The following WDR93 variants were observed in gnomAD, a reference collection of about 807,000 sequenced individuals.
WDR93 encodes WD repeat domain 93.
WDR93 carries 73 observed loss-of-function variants against 82.9 expected under a neutral mutation model. That is an observed-to-expected ratio of 0.88 (90% confidence interval 0.73 to 1.07). The LOEUF is 1.07. WDR93 is among the 50% of genes least tolerant of loss of function. The probability of loss-of-function intolerance (pLI) is 0.00; values close to 1 mark genes in which losing one functional copy is unlikely to be tolerated. For synonymous variants in WDR93, 283 were observed against 300.1 expected (o/e 0.94, Z 0.59); for missense variants, 738 against 826.0 (o/e 0.89, Z 1.31).
intron 1 of WDR93, among the ~76,000 whole-genome samples, chr15:89,691,995 G>A (rs767611534): frequency 3.9e-5 from 6 of 152,202 alleles, no homozygotes; most frequent in Admixed American, 6.5e-5. Flanking sequence ...AACACAGCTG[G>A]AATATGGCAG....
chr15:89,703,301 T>G, intron 3 of WDR93, 159 bp downstream of exon 3: 1 of 739,492 alleles, frequency 1.4e-6, no homozygotes, highest in Non-Finnish European at 2.2e-6. Context: ...GTGGGTCAGA[T>G]ACTGTTCTAC....
rs768926346 is a variant in WDR93, at chr15:89,743,372, G to A, written c.2042G>A (p.Arg681Lys). 2 of 1,614,080 alleles carry A rather than the reference G, an allele frequency of 1.2e-6. No individual in the cohort carries two copies. Among genetic ancestry groups the A allele is most frequent in the African/African-American group, 2.7e-5 (2 of 74,946 alleles). ...RLQRYSLSLQ[R>K]ENFKK The stretch of plus-strand genomic sequence containing the variant: ...CAGAGGTACTCCTTGTCGCTCCAGA[G>A]AGAGAACTTCAAGAAGTGAGGCTGC... The change falls in exon 17 of 17, where the codon AGA (arginine) becomes AAA (lysine). Residue 681 changes from arginine (R) to lysine (K), a missense_variant. By Grantham distance (26) the Arg-to-Lys change is conservative. Coordinates refer to ENST00000268130, the MANE Select transcript of WDR93 (RefSeq NM_020212.2).
At chr15:89,720,632 C>CT (rs1446297750) in intron 7 of WDR93, among the ~76,000 whole-genome samples, 1 of 152,104 alleles carries the variant, frequency 6.6e-6, no homozygotes, top group Non-Finnish European at 1.5e-5. Flanking sequence ...TTACAGCTGG[C>CT]TTTTTTTATG....
At chr15:89,701,064 G>A (rs1366727761) in intron 1 of WDR93, among the ~76,000 whole-genome samples, 1 of 152,014 alleles carries the variant, frequency 6.6e-6, no homozygotes, top group African/African-American at 2.4e-5. Flanking sequence ...ATCCACAGGA[G>A]CAATAAGTAT....
At chr15:89,717,087 G>A (rs1289319978) in intron 7 of WDR93, 138 bp downstream of exon 7, 1 of 420,656 alleles carries the variant, frequency 2.4e-6, no homozygotes, top group East Asian at 4.2e-5. Flanking sequence ...TTTCATTCTT[G>A]TTGCTCTTGT....
chr15:89,720,504 C>T (rs992124611), intron 7 of WDR93, among the ~76,000 whole-genome samples: 1 of 152,128 alleles, frequency 6.6e-6, no homozygotes, highest in Non-Finnish European at 1.5e-5. Context: ...AACTCCTGAC[C>T]TCGTGATTCG....
chr15:89,740,264 C>T (rs1967552073), intron 16 of WDR93, among the ~76,000 whole-genome samples: 1 of 152,186 alleles, frequency 6.6e-6, no homozygotes, highest in African/African-American at 2.4e-5. Flanking sequence ...TCTCCGCTTC[C>T]TAGCTCATAC....
chr15:89,712,909 G>A (rs185644662), intron 5 of WDR93, among the ~76,000 whole-genome samples: 103 of 152,200 alleles, frequency 6.8e-4, no homozygotes, highest in African/African-American at 2.4e-3. Flanking sequence ...CGGATCACCT[G>A]AGGTCAGGAG....
chr15:89,742,565 C>G (rs1245078496), intron 16 of WDR93, among the ~76,000 whole-genome samples: 1 of 151,684 alleles, frequency 6.6e-6, no homozygotes, highest in African/African-American at 2.4e-5. Context: ...TGGAATTTTG[C>G]TCTTGTTGCC....
chr15:89,718,222 TC>T (rs1385559540), intron 7 of WDR93, among the ~76,000 whole-genome samples: 1 of 152,144 alleles, frequency 6.6e-6, no homozygotes, highest in African/African-American at 2.4e-5. Flanking sequence ...ACGCCTGTAA[TC>T]CCAACACTTT....
At chr15:89,712,396 C>CTTTTTTTTTTTTTTTT (rs1170109589) in intron 5 of WDR93, among the ~76,000 whole-genome samples, 5 of 80,534 alleles carry the variant, frequency 6.2e-5, no homozygotes, top group African/African-American at 2.2e-4. Flanking sequence ...TTCCACTAAT[C>CTTTTTTTTTTTTTTTT]TTTTTTTTTT....
chr15:89,691,092 G>A (rs1964852384), intron 1 of WDR93, among the ~76,000 whole-genome samples: 1 of 151,934 alleles, frequency 6.6e-6, no homozygotes, highest in African/African-American at 2.4e-5. Context: ...GGGACGGTGG[G>A]GCCTAATCAT....
intron 1 of WDR93, among the ~76,000 whole-genome samples, chr15:89,692,763 C>T (rs565830044): frequency 7.5e-4 from 114 of 152,270 alleles, no homozygotes; most frequent in African/African-American, 2.6e-3. Flanking sequence ...TGCGCCACCA[C>T]GCATGGCTGA....
chr15:89,735,192 T>G (rs1248193551), intron 13 of WDR93, among the ~76,000 whole-genome samples: 2 of 152,148 alleles, frequency 1.3e-5, no homozygotes, highest in Non-Finnish European at 2.9e-5. Context: ...TTTTCAATGG[T>G]ATTTATTCTG....
intron 4 of WDR93, among the ~76,000 whole-genome samples, chr15:89,706,013 T>C (rs1019319830): frequency 6.6e-6 from 1 of 152,122 alleles, no homozygotes; most frequent in Admixed American, 6.5e-5. Flanking sequence ...CTACCAAAAT[T>C]TCCCCCATTC....
intron 8 of WDR93, among the ~76,000 whole-genome samples, chr15:89,725,343 G>A (rs1303771169): frequency 1.3e-5 from 2 of 152,100 alleles, no homozygotes; most frequent in Admixed American, 6.5e-5. Context: ...AGTTAATACT[G>A]CATGGTTCCC....
intron 7 of WDR93, 123 bp from the exon 8 acceptor site, chr15:89,721,928 ACTTT>A (rs1966544358): frequency 1.5e-6 from 1 of 663,316 alleles, no homozygotes; most frequent in Non-Finnish European, 2.6e-6. Flanking sequence ...CTTGCTATTT[ACTTT>A]CTATTTGTCC....
chr15:89,715,206 G>A, intron 6 of WDR93, 111 bp downstream of exon 6: 1 of 839,042 alleles, frequency 1.2e-6, no homozygotes. Context: ...TATAAGAGAG[G>A]ACAACAGGAA....
At chr15:89,690,541 C>T, upstream of WDR93, 3 of 1,518,374 alleles carry the variant, frequency 2.0e-6, no homozygotes, top group Non-Finnish European at 2.7e-6. Flanking sequence ...CGAGTTAGGG[C>T]GAGAAAGGGG....
Sources: gnomAD v4.1 joint callset for allele counts (sites outside exome capture counted in the v4.1 genomes callset) on GRCh38, gnomAD v4.1.1 for gene constraint, MANE v1.5 for transcripts, NCBI Gene and HGNC (gene_info 2026-07-23, HGNC 2026-07-21) for gene names.